PCDH15: variants seen among roughly 807,000 people sequenced by gnomAD.
PCDH15 encodes protocadherin-15.
PCDH15 carries 129 observed loss-of-function variants against 178.5 expected under a neutral mutation model. That is an observed-to-expected ratio of 0.72 (90% CI 0.63 to 0.84). The LOEUF is 0.84. PCDH15 is among the 40% of genes least tolerant of loss of function. The probability of loss-of-function intolerance (pLI) is 0.00; values close to 1 mark genes in which losing one functional copy is unlikely to be tolerated. For synonymous variants in PCDH15, 800 were observed against 732.0 expected, an observed-to-expected ratio of 1.09 and a Z score of -1.50; for missense variants, 2,230 against 2,099.9, an observed-to-expected ratio of 1.06 and a Z score of -1.21.
intron 1 of PCDH15, among the ~76,000 whole-genome samples, chr10:55,267,631 C>T (rs906398108): frequency 6.6e-6 from 1 of 152,078 alleles, no homozygotes; most frequent in Non-Finnish European, 1.5e-5. Context: ...TAACAATGTC[C>T]CTTTTCATAT....
At chr10:54,238,032 C>A (rs1376995429) in intron 8 of PCDH15, among the ~76,000 whole-genome samples, 1 of 152,088 alleles carries the variant, frequency 6.6e-6, no homozygotes, top group African/African-American at 2.4e-5. Flanking sequence ...AGTTATGTAG[C>A]CCTCATCCCA....
rs150754957 is a variant in PCDH15, at chr10:55,608,979, T to C, written c.-156+18646A>G. ...TTAATTTCTGTTAATCCAAAAGCGA[T>C]TGTCTATGGGACTATACATATATGT... is the stretch of plus-strand genomic sequence containing the variant. On this transcript the variant is annotated intron_variant, in intron 2 of 5. Coordinates refer to the PCDH15 transcript ENST00000613346. Among the ~76,000 whole-genome samples, 6 of 151,268 alleles carry C rather than the reference T, an allele frequency of 4.0e-5. No homozygotes were observed. In the East Asian group the frequency reaches 1.2e-3, roughly 30 times the overall value.
chr10:54,616,126 A>G (rs551636274), intron 2 of PCDH15, among the ~76,000 whole-genome samples: 5 of 152,220 alleles, frequency 3.3e-5, no homozygotes, highest in African/African-American at 9.6e-5. Flanking sequence ...GTGGCTAAGA[A>G]AAAAATTAAA....
intron 3 of PCDH15, among the ~76,000 whole-genome samples, chr10:54,493,200 T>G (rs1196132914): frequency 6.6e-6 from 1 of 151,830 alleles, no homozygotes; most frequent in African/African-American, 2.4e-5. Flanking sequence ...ATAGGAAAAA[T>G]GTAGTATAAA....
intron 1 of PCDH15, among the ~76,000 whole-genome samples, chr10:55,219,072 T>A (rs1473686316): frequency 2.6e-5 from 4 of 152,046 alleles, no homozygotes; most frequent in Non-Finnish European, 4.4e-5. Context: ...CTATGCTTAC[T>A]GCTCCTTCTG....
intron 1 of PCDH15, among the ~76,000 whole-genome samples, chr10:54,715,576 C>T (rs113259558): frequency 6.6e-6 from 1 of 152,082 alleles, no homozygotes; most frequent in Non-Finnish European, 1.5e-5. Context: ...GCTGGTAAAA[C>T]GATATGGGTG....
rs1348762675 is a variant in PCDH15, at chr10:54,743,332, G to A, written c.-29+57593C>T. Among the ~76,000 whole-genome samples the A allele has an allele frequency of 2.6e-5, 4 of 151,894 alleles. No homozygotes were observed. In the East Asian group the frequency reaches 5.8e-4, roughly 22 times the overall value. On this transcript the variant is annotated intron_variant, in intron 1 of 37. Transcript: ENST00000644397. Reference sequence around the variant, plus strand: ...TATGTTCTGGGTACATTAAGGAGAAGGTATAGTAGTATTGAAGAATATAAA... The same window carrying A: ...TATGTTCTGGGTACATTAAGGAGAAAGTATAGTAGTATTGAAGAATATAAA...
At chr10:54,484,776 G>A (rs756233174) in intron 3 of PCDH15, among the ~76,000 whole-genome samples, 2 of 151,696 alleles carry the variant, frequency 1.3e-5, no homozygotes, top group Non-Finnish European at 2.9e-5. Flanking sequence ...TAAAAACAAA[G>A]GGAAAAAAGT....
At chr10:54,056,157 G>A (rs2093882229) in intron 18 of PCDH15, among the ~76,000 whole-genome samples, 1 of 152,110 alleles carries the variant, frequency 6.6e-6, no homozygotes, top group Non-Finnish European at 1.5e-5. Context: ...GGGTACATGT[G>A]ATATTTTGCT....
At chr10:54,627,289 G>A (rs1392302546) in intron 2 of PCDH15, among the ~76,000 whole-genome samples, 1 of 152,102 alleles carries the variant, frequency 6.6e-6, no homozygotes, top group Non-Finnish European at 1.5e-5. Context: ...GAAGTGGAAT[G>A]GTATGATTTG....
intron 10 of PCDH15, among the ~76,000 whole-genome samples, chr10:54,210,244 G>T (rs2051274879): frequency 6.6e-6 from 1 of 151,746 alleles, no homozygotes; most frequent in African/African-American, 2.4e-5. Context: ...AGATCAAATT[G>T]TATCAAATGC....
At chr10:54,108,476 G>A (rs754436610) in intron 15 of PCDH15, among the ~76,000 whole-genome samples, 6 of 152,118 alleles carry the variant, frequency 3.9e-5, no homozygotes, top group Non-Finnish European at 8.8e-5. Flanking sequence ...ACCCAAACCA[G>A]CAGTTGAAAC....
At chr10:54,029,802 T>C (rs1057060150) in intron 18 of PCDH15, among the ~76,000 whole-genome samples, 1 of 152,164 alleles carries the variant, frequency 6.6e-6, no homozygotes, top group Non-Finnish European at 1.5e-5. Flanking sequence ...AATGGTCTGT[T>C]ACACAATTCT....
intron 2 of PCDH15, among the ~76,000 whole-genome samples, chr10:54,563,375 A>G (rs1427010815): frequency 1.3e-5 from 2 of 152,104 alleles, no homozygotes; most frequent in African/African-American, 2.4e-5. Flanking sequence ...GAACAAAGCT[A>G]TGGGTTTACA....
chr10:55,528,695 ATG>A (rs1379294056), intron 2 of PCDH15, among the ~76,000 whole-genome samples: 1 of 152,076 alleles, frequency 6.6e-6, no homozygotes, highest in Non-Finnish European at 1.5e-5. Flanking sequence ...ATACGTGTGC[ATG>A]TGTCTTTATA....
At position 55,600,414 on chromosome 10, in the gene PCDH15, G is replaced by A. The variant is rs573492788; in HGVS notation, c.-156+27211C>T. 3.1e-4 allele frequency among the ~76,000 whole-genome samples: 47 copies of A among 151,784 alleles called. 1 individual carries two copies. Among genetic ancestry groups the A allele is most frequent in the Admixed American group, 2.6e-4 (4 of 15,250 alleles). ...GACCTTGGAGCATAATTCAACCTCC[G>A]AAACGACTTAAACTAAGACCGCACT... On this transcript the variant is annotated intron_variant, in intron 2 of 5. Transcript: ENST00000613346.
At chr10:54,036,274 T>A (rs1314849811) in intron 18 of PCDH15, among the ~76,000 whole-genome samples, 3 of 151,934 alleles carry the variant, frequency 2.0e-5, no homozygotes, top group Non-Finnish European at 4.4e-5. Context: ...CAGTTTTCTA[T>A]TAGAATATGC....
chr10:54,651,974 C>CA (rs11358827), intron 2 of PCDH15, among the ~76,000 whole-genome samples: 8,112 of 134,562 alleles, frequency 0.06, 685 homozygotes, highest in African/African-American at 0.2. Context: ...ATTTCAATGA[C>CA]AAAAAAAAAA....
chr10:54,856,191 G>A (rs999802721), intron 3 of PCDH15, among the ~76,000 whole-genome samples: 1 of 152,130 alleles, frequency 6.6e-6, no homozygotes, highest in African/African-American at 2.4e-5. Context: ...GGATGCAGAG[G>A]TAAACTCAGT....
Sources: gnomAD v4.1 joint callset for allele counts (sites outside exome capture counted in the v4.1 genomes callset) on GRCh38, gnomAD v4.1.1 for gene constraint, MANE v1.5 for transcripts, NCBI Gene and HGNC (gene_info 2026-07-23, HGNC 2026-07-21) for gene names.